The following OR9Q1 variants were observed in gnomAD, a reference collection of about 807,000 sequenced individuals.
OR9Q1 encodes olfactory receptor 9Q1.
For missense variants in OR9Q1, 374 were observed against 378.8 expected (o/e 0.99, Z 0.11); for synonymous variants, 153 against 148.6 (o/e 1.03, Z -0.22).
intron 1 of OR9Q1, among the ~76,000 whole-genome samples, chr11:58,028,845 T>G (rs1853001683): frequency 6.6e-6 from 1 of 152,228 alleles, no homozygotes; most frequent in Non-Finnish European, 1.5e-5. Flanking sequence ...TGATTTTTTA[T>G]CTCTACATGC....
intron 2 of OR9Q1, among the ~76,000 whole-genome samples, chr11:58,062,458 C>A (rs1273009672): frequency 2.6e-5 from 4 of 152,142 alleles, no homozygotes; most frequent in Non-Finnish European, 4.4e-5. Context: ...CAGCATCAAG[C>A]CCAAGGGTCC....
intron 2 of OR9Q1, chr11:58,109,372 C>T (rs201677785): frequency 1.7e-5 from 8 of 458,804 alleles, no homozygotes; most frequent in South Asian, 3.1e-5. Context: ...CTGCACAGCA[C>T]GGCAGCCATA....
chr11:58,153,299 G>GT (rs1854372182), intron 2 of OR9Q1, among the ~76,000 whole-genome samples: 1 of 152,184 alleles, frequency 6.6e-6, no homozygotes, highest in South Asian at 2.1e-4. Context: ...GGCTTTTAGA[G>GT]TTTAAGAAAG....
chr11:58,067,268 C>A (rs1322362630), intron 2 of OR9Q1, among the ~76,000 whole-genome samples: 1 of 152,014 alleles, frequency 6.6e-6, no homozygotes, highest in Non-Finnish European at 1.5e-5. Context: ...CATCTCCTGA[C>A]CCCATGATCC....
At chr11:58,060,564 C>G (rs1853370680) in intron 2 of OR9Q1, among the ~76,000 whole-genome samples, 1 of 151,998 alleles carries the variant, frequency 6.6e-6, no homozygotes, top group African/African-American at 2.4e-5. Flanking sequence ...AGTGGGTGCC[C>G]ATATGATGTA....
chr11:58,139,919 A>G (rs1854228944), intron 2 of OR9Q1, among the ~76,000 whole-genome samples: 1 of 151,280 alleles, frequency 6.6e-6, no homozygotes. Flanking sequence ...AAGTGTTCCT[A>G]TTTCTCCACA....
intron 2 of OR9Q1, among the ~76,000 whole-genome samples, chr11:58,172,502 A>T (rs1222054742): frequency 1.3e-5 from 2 of 152,156 alleles, no homozygotes; most frequent in Non-Finnish European, 2.9e-5. Flanking sequence ...CCCTTTATTT[A>T]CTATTCTCCA....
intron 1 of OR9Q1, among the ~76,000 whole-genome samples, chr11:58,048,303 T>C (rs2514191): frequency 0.67 from 101,368 of 151,928 alleles, 34,255 homozygotes; most frequent in Middle Eastern, 0.79. Context: ...ATTACCCTGA[T>C]TTGATCATTA....
chr11:58,058,352 G>A (rs945583912), intron 2 of OR9Q1, among the ~76,000 whole-genome samples: 2 of 152,180 alleles, frequency 1.3e-5, no homozygotes, highest in Non-Finnish European at 2.9e-5. Context: ...TGGCACTTTG[G>A]ATGGAAGCCC....
chr11:58,047,665 AG>A, intron 1 of OR9Q1: 1 of 151,412 alleles, frequency 6.6e-6, no homozygotes, highest in Non-Finnish European at 1.5e-5. Flanking sequence ...CGGGGTCAGG[AG>A]TTTCAGACCA....
intron 1 of OR9Q1, among the ~76,000 whole-genome samples, chr11:58,047,030 C>A (rs1164163548): frequency 2.0e-5 from 3 of 152,176 alleles, no homozygotes; most frequent in Non-Finnish European, 4.4e-5. Context: ...AGTAGTATCT[C>A]TAGGTATCTG....
At chr11:58,034,152 C>T (rs2119920967) in intron 1 of OR9Q1, among the ~76,000 whole-genome samples, 1 of 136,170 alleles carries the variant, frequency 7.3e-6, no homozygotes, top group East Asian at 2.3e-4. Flanking sequence ...GTGGCGTGAT[C>T]TCGGCTCACT....
At chr11:58,066,426 C>T (rs942928916) in intron 2 of OR9Q1, among the ~76,000 whole-genome samples, 3 of 152,108 alleles carry the variant, frequency 2.0e-5, no homozygotes, top group Non-Finnish European at 2.9e-5. Flanking sequence ...GTCAGAGCGT[C>T]TGTGCCTGCT....
intron 2 of OR9Q1, among the ~76,000 whole-genome samples, chr11:58,062,280 A>C (rs1853387075): frequency 6.6e-6 from 1 of 152,210 alleles, no homozygotes; most frequent in South Asian, 2.1e-4. Context: ...CTGCCTAGAC[A>C]AACAGAGTTT....
At chr11:58,056,182 C>A (rs1171711057) in intron 2 of OR9Q1, among the ~76,000 whole-genome samples, 1 of 152,206 alleles carries the variant, frequency 6.6e-6, no homozygotes, top group Non-Finnish European at 1.5e-5. Flanking sequence ...GGTGTAAATA[C>A]TCCCACTATG....
intron 2 of OR9Q1, among the ~76,000 whole-genome samples, chr11:58,133,587 A>G (rs1854163387): frequency 6.6e-6 from 1 of 152,224 alleles, no homozygotes; most frequent in South Asian, 2.1e-4. Flanking sequence ...TGGAACTGAT[A>G]ATGCCTTGCA....
intron 2 of OR9Q1, among the ~76,000 whole-genome samples, chr11:58,071,897 T>A (rs1406024824): frequency 1.3e-5 from 2 of 152,098 alleles, no homozygotes; most frequent in Non-Finnish European, 2.9e-5. Flanking sequence ...ATGTCAACAA[T>A]ATTAATTTTT....
intron 2 of OR9Q1, among the ~76,000 whole-genome samples, chr11:58,141,383 C>G (rs4533051): frequency 0.99 from 150,786 of 152,280 alleles, 74,672 homozygotes; most frequent in East Asian, 1. Context: ...ATTATTTTGA[C>G]ATATGTCCCA....
At chr11:58,119,233 G>T (rs755898970) in intron 2 of OR9Q1, 1 of 1,613,684 alleles carries the variant, frequency 6.2e-7, no homozygotes, top group Non-Finnish European at 8.5e-7. Flanking sequence ...GGTGTAACAG[G>T]CATCCAGCAG....
Sources: allele counts gnomAD v4.1 joint callset (sites outside exome capture counted in the v4.1 genomes callset), GRCh38; gene constraint gnomAD v4.1.1; transcripts MANE v1.5; gene names NCBI Gene and HGNC (gene_info 2026-07-23, HGNC 2026-07-21).